Variants in BRINP3 observed in about 807,000 individuals in gnomAD.
BRINP3 encodes the protein BMP/retinoic acid-inducible neural-specific protein 3.
BRINP3 carries 19 observed loss-of-function variants against 71.0 expected under a neutral mutation model. That is an observed-to-expected ratio of 0.27 (90% confidence interval 0.19 to 0.39). BRINP3 has a LOEUF of 0.39. Among genes scored for constraint, BRINP3 ranks in the 10% least tolerant of loss-of-function variants. The pLI, the probability that BRINP3 is intolerant of heterozygous loss-of-function variation, is 1.00. For synonymous variants in BRINP3, 380 were observed against 337.7 expected, an observed-to-expected ratio of 1.13 and a Z score of -1.37; for missense variants, 959 against 940.8, an observed-to-expected ratio of 1.02 and a Z score of -0.25.
At chr1:190,363,520 T>G (rs770141663) in intron 2 of BRINP3, among the ~76,000 whole-genome samples, 1 of 152,138 alleles carries the variant, frequency 6.6e-6, no homozygotes, top group Non-Finnish European at 1.5e-5. Context: ...ATCGTCTGAT[T>G]TTTTATAAGA....
chr1:190,268,681 C>T (rs1661854032), intron 3 of BRINP3, among the ~76,000 whole-genome samples: 1 of 152,056 alleles, frequency 6.6e-6, no homozygotes, highest in Non-Finnish European at 1.5e-5. Flanking sequence ...AACTACTGCA[C>T]ATATACAGTA....
At chr1:190,331,399 A>G (rs1372815138) in intron 2 of BRINP3, among the ~76,000 whole-genome samples, 1 of 151,910 alleles carries the variant, frequency 6.6e-6, no homozygotes, top group Non-Finnish European at 1.5e-5. Context: ...CACACACCAT[A>G]TTTAGTCCAT....
At chr1:190,400,765 A>G (rs903545930) in intron 2 of BRINP3, among the ~76,000 whole-genome samples, 2 of 152,214 alleles carry the variant, frequency 1.3e-5, no homozygotes, top group African/African-American at 4.8e-5. Context: ...TACCAGTTTC[A>G]TAAGTAAATA....
chr1:190,347,067 A>G (rs1346651804), intron 2 of BRINP3, among the ~76,000 whole-genome samples: 1 of 152,148 alleles, frequency 6.6e-6, no homozygotes, highest in Non-Finnish European at 1.5e-5. Context: ...AGTCAAAGTC[A>G]GTAGCAGTTA....
intron 6 of BRINP3, among the ~76,000 whole-genome samples, chr1:190,197,071 G>A (rs1654550355): frequency 6.6e-6 from 1 of 152,060 alleles, no homozygotes; most frequent in East Asian, 1.9e-4. Context: ...CACATTGTGA[G>A]GCTGGGGAGG....
At chr1:190,378,723 A>C (rs368480968) in intron 2 of BRINP3, among the ~76,000 whole-genome samples, 7 of 152,234 alleles carry the variant, frequency 4.6e-5, no homozygotes, top group Non-Finnish European at 8.8e-5. Flanking sequence ...TTTTTTTGCA[A>C]ATTAAGTGGT....
At chr1:190,222,067 G>A (rs1656940156) in intron 6 of BRINP3, among the ~76,000 whole-genome samples, 1 of 151,808 alleles carries the variant, frequency 6.6e-6, no homozygotes, top group African/African-American at 2.4e-5. Context: ...GATCTAATGG[G>A]CCCTAGATGA....
In BRINP3 at chr1:190,301,152, T is replaced by C. The variant is rs868316052; in HGVS notation, c.237-19402A>G. Among the ~76,000 whole-genome samples, 13 of 137,968 alleles carry C rather than the reference T, an allele frequency of 9.4e-5. No individual in the cohort carries two copies. In the South Asian group the frequency reaches 2.6e-3, roughly 28 times the overall value. The allele number at this position is 137,968 out of a possible 152,430, so 90.5% of individuals were successfully genotyped here. A position where few individuals can be genotyped will look rare whatever the true frequency, so the allele number is the denominator to read the frequency against. On this transcript the variant is annotated intron_variant, in intron 2 of 7. Coordinates refer to ENST00000367462, the MANE Select transcript of BRINP3 (RefSeq NM_199051.3). ...TTACATACATATATATATACACACA[T>C]ACATATATATATACATATATATACA...
Position 190,379,997 on chromosome 1 carries a change from C to CAAA in BRINP3, c.236+74655_236+74657dup, listed in dbSNP as rs34329313. Among the ~76,000 whole-genome samples the CAAA allele has an allele frequency of 3.1e-3, 312 of 100,592 alleles. 7 individuals carry two copies. Among genetic ancestry groups the CAAA allele is most frequent in the South Asian group, 0.01 (27 of 2,682 alleles). The allele number at this position is 100,592 out of a possible 152,430, so 66.0% of individuals were successfully genotyped here. On this transcript the variant is annotated intron_variant, in intron 2 of 7. Transcript: ENST00000367462. The stretch of plus-strand genomic sequence containing the variant: ...TGGGCAACAGGGAGAGACTCCACCT[C>CAAA]AAAAAAAAAAAAAAAGAAAAAAGAA...
chr1:190,278,882 C>G (rs1314906200), intron 3 of BRINP3, among the ~76,000 whole-genome samples: 2 of 150,304 alleles, frequency 1.3e-5, no homozygotes, highest in Non-Finnish European at 3.0e-5. Context: ...ACATGCAAAA[C>G]AAAAACGAAT....
At chr1:190,327,806 A>G (rs1666712814) in intron 2 of BRINP3, among the ~76,000 whole-genome samples, 1 of 152,140 alleles carries the variant, frequency 6.6e-6, no homozygotes, top group African/African-American at 2.4e-5. Flanking sequence ...ACTGGATCTA[A>G]TAGACATGTA....
intron 3 of BRINP3, among the ~76,000 whole-genome samples, chr1:190,274,356 A>C (rs766029940): frequency 6.6e-6 from 1 of 151,026 alleles, no homozygotes; most frequent in Non-Finnish European, 1.5e-5. Context: ...TAATGTTTAC[A>C]TTCCGCCCAG....
intron 2 of BRINP3, among the ~76,000 whole-genome samples, chr1:190,301,212 T>C (rs1181776067): frequency 1.2e-4 from 8 of 68,304 alleles, no homozygotes; most frequent in African/African-American, 1.8e-4. Context: ...TACATATATA[T>C]ATATATATAT....
intron 2 of BRINP3, among the ~76,000 whole-genome samples, chr1:190,435,051 G>A (rs1674368222): frequency 6.6e-6 from 1 of 152,064 alleles, no homozygotes; most frequent in South Asian, 2.1e-4. Context: ...AGTATAGTTT[G>A]TTTAACTTCT....
At chr1:190,384,091 T>A (rs1171341) in intron 2 of BRINP3, among the ~76,000 whole-genome samples, 54,851 of 151,336 alleles carry the variant, frequency 0.36, 11,006 homozygotes, top group Admixed American at 0.49. Flanking sequence ...TATGGTTTCA[T>A]ATATATCATA....
At chr1:190,359,866 A>C (rs1313599365) in intron 2 of BRINP3, among the ~76,000 whole-genome samples, 1 of 152,146 alleles carries the variant, frequency 6.6e-6, no homozygotes, top group East Asian at 1.9e-4. Context: ...AGTTAGTTTC[A>C]TAGTCAGTGG....
rs373518103 is a variant in BRINP3 at position 190,454,636 on chromosome 1, C to G, written c.236+19G>C. On this transcript the variant is annotated intron_variant, in intron 2 of 7. Transcript: ENST00000367462. Reference sequence around the variant, plus strand: ...TTCAAGGATGATATTTCTGTAATTGCTTTCCCTTTGCTTCATACCTGTATA... The same window carrying G: ...TTCAAGGATGATATTTCTGTAATTGGTTTCCCTTTGCTTCATACCTGTATA... The G allele has an allele frequency of 1.3e-6, 2 of 1,596,822 alleles. No homozygotes were observed. Among genetic ancestry groups the G allele is most frequent in the Non-Finnish European group, 1.7e-6 (2 of 1,166,200 alleles).
intron 6 of BRINP3, among the ~76,000 whole-genome samples, chr1:190,181,297 A>G (rs1653011144): frequency 6.6e-6 from 1 of 151,976 alleles, no homozygotes; most frequent in Non-Finnish European, 1.5e-5. Context: ...TGTGCAATAC[A>G]CTTTGTGTAA....
At chr1:190,226,407 ATAATT>A in intron 5 of BRINP3, 89 bp from the exon 6 acceptor site, 1 of 682,952 alleles carries the variant, frequency 1.5e-6, no homozygotes, top group Non-Finnish European at 2.3e-6. Context: ...AAAACAGTAA[ATAATT>A]TAGTGTATTA....
Sources: allele counts gnomAD v4.1 joint callset (sites outside exome capture counted in the v4.1 genomes callset), GRCh38; gene constraint gnomAD v4.1.1; transcripts MANE v1.5; gene names NCBI Gene and HGNC (gene_info 2026-07-23, HGNC 2026-07-21).